CACNA2D4: variants seen among roughly 807,000 people sequenced by gnomAD.
CACNA2D4 encodes the protein calcium voltage-gated channel auxiliary subunit alpha2delta 4, also known as voltage-dependent calcium channel subunit alpha-2/delta-4.
A neutral mutation model predicts 163.8 loss-of-function variants in CACNA2D4; 157 were observed. That is an observed-to-expected ratio of 0.96 (90% CI 0.84 to 1.09). The LOEUF (loss-of-function observed/expected upper bound fraction) is 1.09, where lower values mean the gene tolerates loss of function less well. Ranked by LOEUF, CACNA2D4 falls within the 50% of genes least tolerant of loss-of-function variation. The pLI, the probability that CACNA2D4 is intolerant of heterozygous loss-of-function variation, is 0.00. For missense variants in CACNA2D4, 1,410 were observed against 1,479.9 expected, an observed-to-expected ratio of 0.95 and a Z score of 0.78; for synonymous variants, 598 against 586.9, an observed-to-expected ratio of 1.02 and a Z score of -0.27.
chr12:1,903,040 G>C (rs1238978822), intron 6 of CACNA2D4, among the ~76,000 whole-genome samples: 1 of 152,126 alleles, frequency 6.6e-6, no homozygotes, highest in Non-Finnish European at 1.5e-5. Flanking sequence ...GAATAGAATA[G>C]AGAGTGCAGA....
At chr12:1,865,035 C>T (rs574076644) in intron 18 of CACNA2D4, among the ~76,000 whole-genome samples, 11 of 152,312 alleles carry the variant, frequency 7.2e-5, no homozygotes, top group Admixed American at 3.9e-4. Context: ...CCCAGGTCAC[C>T]GTCGCGTGGT....
chr12:1,816,422 C>A (rs1019692756), intron 26 of CACNA2D4, among the ~76,000 whole-genome samples: 2 of 152,134 alleles, frequency 1.3e-5, no homozygotes, highest in Non-Finnish European at 2.9e-5. Context: ...AAGAGGAGGA[C>A]AAATCTCAGA....
Position 1,858,287 on chromosome 12 carries a change from C to T in CACNA2D4, c.2008+290G>A, listed in dbSNP as rs146056204. Among the ~76,000 whole-genome samples the T allele has an allele frequency of 5.8e-4, 89 of 152,308 alleles. 1 individual carries two copies. Among genetic ancestry groups the T allele is most frequent in the Middle Eastern group, 3.4e-3 (1 of 294 alleles). ...CTTTGAGCTTTGTTTAAAAAACATA[C>T]TGCCTTGACGGTCCTTCTAGTCCAG... On this transcript the variant is annotated intron_variant, in intron 20 of 37. Transcript: ENST00000382722.
intron 6 of CACNA2D4, among the ~76,000 whole-genome samples, chr12:1,900,273 A>G (rs1006229603): frequency 1.3e-5 from 2 of 152,160 alleles, no homozygotes; most frequent in African/African-American, 4.8e-5. Context: ...CCACAGGTGC[A>G]CACCACCACG....
chr12:1,875,220 A>G lies in CACNA2D4; in HGVS notation c.1806+31T>C. ...ATTTAGTTGGATGTAGAGCCTAACTAGCTTCCCTTCCCCCTATTTTCCCCA... is the reference window on the plus strand; with the variant it reads ...ATTTAGTTGGATGTAGAGCCTAACTGGCTTCCCTTCCCCCTATTTTCCCCA... On this transcript the variant is annotated intron_variant, in intron 17 of 37. Coordinates refer to ENST00000382722, the MANE Select transcript of CACNA2D4 (RefSeq NM_172364.5). This position sits in a 1 kb window ranked among gnomAD's most constrained non-coding sequence, Gnocchi z 4.0. 1.3e-6 allele frequency: 2 copies of G among 1,498,320 alleles called. No homozygotes were observed. Among genetic ancestry groups the G allele is most frequent in the Non-Finnish European group, 1.9e-6 (2 of 1,074,810 alleles). 92.8% of individuals were successfully genotyped at this position (1,498,320 alleles called of 1,614,324 possible). A position where few individuals can be genotyped will look rare whatever the true frequency, so the allele number is the denominator to read the frequency against.
rs1403940550 is a variant in CACNA2D4 at position 1,844,311 on chromosome 12, C to T, written c.2470+91G>A. On this transcript the variant is annotated intron_variant, in intron 25 of 37. Transcript: ENST00000382722. The surrounding 1 kb of genome is among the most constrained non-coding windows in gnomAD (Gnocchi z 4.2). ...GGTCTGGACATTCTATTCCATATCT[C>T]GTTCCCATTTCCCACTAAGAGCACA... The T allele has an allele frequency of 9.7e-6, 14 of 1,444,728 alleles. No homozygotes were observed. The highest frequency in any genetic ancestry group is 2.6e-5 in the South Asian group (2 of 77,562). 89.5% of individuals were successfully genotyped at this position (1,444,728 alleles called of 1,614,324 possible).
At chr12:1,853,009 GT>G (rs1489263488) in intron 23 of CACNA2D4, among the ~76,000 whole-genome samples, 22 of 152,084 alleles carry the variant, frequency 1.4e-4, no homozygotes, top group Admixed American at 4.6e-4. Flanking sequence ...CCACTAGATT[GT>G]TTTTCTTTCT....
chr12:1,861,016 T>C (rs1463886002), intron 18 of CACNA2D4, among the ~76,000 whole-genome samples: 1 of 152,200 alleles, frequency 6.6e-6, no homozygotes, highest in African/African-American at 2.4e-5. Flanking sequence ...TGAGGGTGCA[T>C]TCGGGGTGCT....
chr12:1,911,613 G>GC (rs1866820093), intron 3 of CACNA2D4, among the ~76,000 whole-genome samples: 1 of 152,150 alleles, frequency 6.6e-6, no homozygotes, highest in South Asian at 2.1e-4. Flanking sequence ...AAGGTCTGAG[G>GC]CCCCCATACA....
rs1863171166 is a variant in CACNA2D4 at position 1,797,532 on chromosome 12, T to TCGCA, written c.2998_2999insTGCG (p.His1000LeufsTer51). 4.5e-6 allele frequency: 7 copies of TCGCA among 1,560,860 alleles called. No individual in the cohort carries two copies. Among genetic ancestry groups the TCGCA allele is most frequent in the Non-Finnish European group, 6.1e-6 (7 of 1,153,900 alleles). On this transcript the variant is annotated frameshift_variant, in exon 35 of 38. Coordinates refer to ENST00000382722, the MANE Select transcript of CACNA2D4 (RefSeq NM_172364.5). LOFTEE classifies it high-confidence loss of function. ...CAGCGGGTCCTGCTTCTTGTGTTTG[T>TCGCA]GGGCTGCGGGCGGAGAAAGGACATC...
chr12:1,845,870 C>G (rs913816999), intron 24 of CACNA2D4, among the ~76,000 whole-genome samples: 17 of 152,236 alleles, frequency 1.1e-4, no homozygotes, highest in Admixed American at 4.6e-4. Flanking sequence ...TGGCCTCCAC[C>G]CACTAGGTGC....
At position 1,861,528 on chromosome 12, in the gene CACNA2D4, C is replaced by T. The variant is rs190974206; in HGVS notation, c.1879-1322G>A. On this transcript the variant is annotated intron_variant, in intron 18 of 37. Coordinates refer to ENST00000382722, the MANE Select transcript of CACNA2D4 (RefSeq NM_172364.5). ...CGTGATCTTGACTCATTGCAACCTC[C>T]GCCTCCTGGGTTCAAGCAATTCTCC... 7.9e-5 allele frequency among the ~76,000 whole-genome samples: 12 copies of T among 151,878 alleles called. No individual in the cohort carries two copies. In the East Asian group the frequency reaches 9.7e-4, roughly 12 times the overall value.
rs549857425 is a variant in CACNA2D4 at position 1,793,305 on chromosome 12, G to A, written c.*350C>T. ...AAACAACTGACCCTTTCTTGGCTGG[G>A]TCTGGACTCTGGAGTACAGGAAGAA... is the stretch of plus-strand genomic sequence containing the variant. On this transcript the variant is annotated 3_prime_UTR_variant, in exon 38 of 38. Coordinates refer to ENST00000382722, the MANE Select transcript of CACNA2D4 (RefSeq NM_172364.5). 5 of 320,376 alleles carry A rather than the reference G, an allele frequency of 1.6e-5. No individual in the cohort carries two copies. The highest frequency in any genetic ancestry group is 7.9e-5 in the South Asian group (2 of 25,268). 19.8% of individuals were successfully genotyped at this position (320,376 alleles called of 1,614,324 possible). A position where few individuals can be genotyped will look rare whatever the true frequency, so the allele number is the denominator to read the frequency against.
intron 18 of CACNA2D4, among the ~76,000 whole-genome samples, chr12:1,863,876 A>G (rs896006240): frequency 2.1e-5 from 3 of 146,194 alleles, no homozygotes; most frequent in East Asian, 2.0e-4. Context: ...GAATGTCAAC[A>G]GAAGACTGAA....
At chr12:1,901,062 C>G (rs984065045) in intron 6 of CACNA2D4, among the ~76,000 whole-genome samples, 1 of 151,986 alleles carries the variant, frequency 6.6e-6, no homozygotes, top group African/African-American at 2.4e-5. Context: ...GAAAACTATA[C>G]AGAAACATGG....
intron 18 of CACNA2D4, 118 bp from the exon 19 acceptor site, chr12:1,860,324 T>C: frequency 1.4e-6 from 1 of 735,496 alleles, no homozygotes; most frequent in Non-Finnish European, 2.4e-6. Context: ...CGCCTTCTTG[T>C]CTCCTCCCTG....
intron 6 of CACNA2D4, among the ~76,000 whole-genome samples, chr12:1,898,121 A>C (rs1866447550): frequency 6.6e-6 from 1 of 152,212 alleles, no homozygotes; most frequent in South Asian, 2.1e-4. Flanking sequence ...AAATAACTGA[A>C]ATATGGAAGA....
intron 20 of CACNA2D4, among the ~76,000 whole-genome samples, chr12:1,858,194 C>T (rs755285763): frequency 3.3e-5 from 5 of 152,212 alleles, no homozygotes; most frequent in Non-Finnish European, 5.9e-5. Flanking sequence ...CAAATGAATA[C>T]AGGCTTCCCT....
chr12:1,886,937 G>A (rs547113870), intron 7 of CACNA2D4, 72 bp downstream of exon 7: 2 of 1,059,842 alleles, frequency 1.9e-6, no homozygotes, highest in African/African-American at 3.1e-5. Context: ...GGAAGTGGAG[G>A]AGGATGAGGC....
Sources: allele counts gnomAD v4.1 joint callset (sites outside exome capture counted in the v4.1 genomes callset), GRCh38; gene constraint gnomAD v4.1.1; non-coding constraint Gnocchi (gnomAD v3.1); transcripts MANE v1.5; gene names NCBI Gene and HGNC (gene_info 2026-07-23, HGNC 2026-07-21).